Variants in ATAD2B observed in about 807,000 individuals in gnomAD.
ATAD2B encodes the protein ATPase family AAA domain containing 2B, also known as ATPase family AAA domain-containing protein 2B.
Under a neutral mutation model 167.6 loss-of-function variants are expected in ATAD2B, and 40 were observed. The ratio of observed to expected loss-of-function variants is 0.24; its 90% CI spans 0.19 to 0.31. The LOEUF (loss-of-function observed/expected upper bound fraction) is 0.31, where lower values mean the gene tolerates loss of function less well. ATAD2B is among the 10% of genes least tolerant of loss of function. The pLI is 1.00. For synonymous variants in ATAD2B, 579 were observed against 596.5 expected (o/e 0.97, Z 0.43); for missense variants, 1,242 against 1,757.2 (o/e 0.71, Z 5.24).
At chr2:23,902,676 C>A (rs1252834960) in intron 1 of ATAD2B, among the ~76,000 whole-genome samples, 2 of 152,114 alleles carry the variant, frequency 1.3e-5, no homozygotes, top group East Asian at 3.8e-4. Flanking sequence ...AGGAAAAGTA[C>A]CTCAGGCATA....
At chr2:23,884,669 A>AACT in intron 6 of ATAD2B, 96 bp downstream of exon 6, 1 of 600,676 alleles carries the variant, frequency 1.7e-6, no homozygotes, top group Non-Finnish European at 2.7e-6. Context: ...TCCAAAAACC[A>AACT]ACTACTCAGC....
chr2:23,785,803 G>T (rs1680726614), intron 21 of ATAD2B: 3 of 437,888 alleles, frequency 6.9e-6, no homozygotes, highest in East Asian at 7.2e-5. Flanking sequence ...GACCACAAAG[G>T]TTAATAATAA....
At chr2:23,809,772 T>A (rs1192218803) in intron 18 of ATAD2B, among the ~76,000 whole-genome samples, 1 of 152,178 alleles carries the variant, frequency 6.6e-6, no homozygotes, top group Non-Finnish European at 1.5e-5. Flanking sequence ...CATGGTTATA[T>A]ATAACAACCT....
At chr2:23,865,904 C>T in intron 10 of ATAD2B, 1 of 813,568 alleles carries the variant, frequency 1.2e-6, no homozygotes. Flanking sequence ...ACAAAAAATG[C>T]TTTAAGAAAA....
intron 18 of ATAD2B, among the ~76,000 whole-genome samples, chr2:23,801,248 A>T (rs1442481740): frequency 6.6e-6 from 1 of 152,152 alleles, no homozygotes; most frequent in Non-Finnish European, 1.5e-5. Context: ...AAAGTTTAAT[A>T]CTATTATGAT....
intron 24 of ATAD2B, 77 bp from the exon 25 acceptor site, chr2:23,758,178 A>T: frequency 8.2e-7 from 1 of 1,217,882 alleles, no homozygotes; most frequent in Non-Finnish European, 1.1e-6. Flanking sequence ...ATTAAACAGG[A>T]CCCAAAAGAA....
At chr2:23,734,850 C>G in the ATAD2B span, among the ~76,000 whole-genome samples, 1 of 152,162 alleles carries the variant, frequency 6.6e-6, no homozygotes, top group East Asian at 1.9e-4. Context: ...AAACCATTAT[C>G]ATTGTATTTA....
At chr2:23,901,350 T>C (rs2150412716) in intron 1 of ATAD2B, among the ~76,000 whole-genome samples, 1 of 150,150 alleles carries the variant, frequency 6.7e-6, no homozygotes, top group East Asian at 1.9e-4. Flanking sequence ...AAGACCTATC[T>C]CAGGACCCTT....
At chr2:23,805,521 T>G (rs1684226981) in intron 18 of ATAD2B, among the ~76,000 whole-genome samples, 1 of 152,234 alleles carries the variant, frequency 6.6e-6, no homozygotes, top group African/African-American at 2.4e-5. Context: ...TTATGTTTCG[T>G]GTGGCAATTA....
At chr2:23,826,604 G>A (rs758316928) in intron 15 of ATAD2B, among the ~76,000 whole-genome samples, 8 of 152,140 alleles carry the variant, frequency 5.3e-5, no homozygotes, top group Middle Eastern at 3.4e-3. Flanking sequence ...TACTAAAGAG[G>A]TTAGACTAGA....
Position 23,752,090 on chromosome 2 carries a change from A to G in ATAD2B, c.4336-3T>C, listed in dbSNP as rs1236668133. 1.4e-5 allele frequency: 22 copies of G among 1,550,326 alleles called. No homozygotes were observed. The highest frequency in any genetic ancestry group is 1.8e-5 in the Non-Finnish European group (21 of 1,141,874). On this transcript the variant is annotated splice_polypyrimidine_tract_variant and splice_region_variant and intron_variant, in intron 27 of 27. Coordinates refer to ENST00000238789, the MANE Select transcript of ATAD2B (RefSeq NM_017552.4). The stretch of plus-strand genomic sequence containing the variant: ...ATATGAACTGTTCTTTCCATCTCCT[A>G]TAAAAGGAAAAAAAATGCATGTTAT...
rs756811805 is a variant in ATAD2B at position 23,774,608 on chromosome 2, TA to T, written c.3133+8260del. 4.7e-4 allele frequency among the ~76,000 whole-genome samples: 72 copies of T among 152,244 alleles called. No homozygotes were observed. The Middle Eastern group carries it at 0.021, about 43-fold the overall frequency. ...ATCTGAGATTCCTTGAGTTAGTATC[TA>T]AAAATAGAGGCTAGGCACAGTGGCT... On this transcript the variant is annotated intron_variant, in intron 22 of 27. Coordinates refer to ENST00000238789, the MANE Select transcript of ATAD2B (RefSeq NM_017552.4).
At chr2:23,788,372 C>G (rs1681138280) in intron 20 of ATAD2B, 140 bp downstream of exon 20, 12 of 940,800 alleles carry the variant, frequency 1.3e-5, no homozygotes, top group Non-Finnish European at 1.9e-5. Flanking sequence ...ATGGACACTT[C>G]CACACGTCAT....
chr2:23,770,370 C>T (rs1042239297), intron 22 of ATAD2B, among the ~76,000 whole-genome samples: 1 of 151,932 alleles, frequency 6.6e-6, no homozygotes, highest in Non-Finnish European at 1.5e-5. Context: ...GGATGAGTAT[C>T]TTTTCATGTG....
intron 10 of ATAD2B, chr2:23,866,011 G>A: frequency 5.6e-6 from 4 of 709,756 alleles, no homozygotes; most frequent in Non-Finnish European, 6.9e-6. Context: ...TACTATGATA[G>A]AAAAAGTGAA....
rs1187064568 is a variant in ATAD2B at position 23,776,933 on chromosome 2, G to A, written c.3133+5936C>T. Among the ~76,000 whole-genome samples, 4 of 152,186 alleles carry A rather than the reference G, an allele frequency of 2.6e-5. No homozygotes were observed. The South Asian group carries it at 6.2e-4, about 24-fold the overall frequency. On this transcript the variant is annotated intron_variant, in intron 22 of 27. Transcript: ENST00000238789. Reference sequence around the variant, plus strand: ...ATGCATCTCCTCTAAATTTATATGTGGAAGGCTTAACTCCCAGTACCTTAA... The same window carrying A: ...ATGCATCTCCTCTAAATTTATATGTAGAAGGCTTAACTCCCAGTACCTTAA...
At position 23,750,859 on chromosome 2, in the gene ATAD2B, C is replaced by T. The variant is rs1338567102; in HGVS notation, c.*1187G>A. 6.6e-6 allele frequency: 1 copy of T among 152,014 alleles called. No homozygotes were observed. Among genetic ancestry groups the T allele is most frequent in the Non-Finnish European group, 1.5e-5 (1 of 67,982 alleles). The allele number at this position is 152,014 out of a possible 1,614,324, so 9.4% of individuals were successfully genotyped here. ...AACAAGATTCAAAATGGTTTCCAATCAAAAAGAAGAGTTGTGAAGGTAAGC... is the reference window on the plus strand; with the variant it reads ...AACAAGATTCAAAATGGTTTCCAATTAAAAAGAAGAGTTGTGAAGGTAAGC... On this transcript the variant is annotated 3_prime_UTR_variant, in exon 28 of 28. Transcript: ENST00000238789.
chr2:23,810,744 C>T lies in ATAD2B; in HGVS notation c.2268-242G>A, dbSNP rs150465320. On this transcript the variant is annotated intron_variant, in intron 17 of 27. Coordinates refer to ENST00000238789, the MANE Select transcript of ATAD2B (RefSeq NM_017552.4). ...CCACTTTAAGGGCCAGGCGCAGTGG[C>T]TCATGCCTGTAATCCTAGCACTTTG... Among the ~76,000 whole-genome samples the T allele has an allele frequency of 3.5e-3, 526 of 152,292 alleles. 5 individuals carry two copies. The highest frequency in any genetic ancestry group is 0.012 in the African/African-American group (511 of 41,562).
intron 18 of ATAD2B, among the ~76,000 whole-genome samples, chr2:23,800,815 TGATTAAAAAAAAAATTTATATTTGAA>T (rs1683372680): frequency 1.3e-5 from 2 of 151,452 alleles, no homozygotes; most frequent in Admixed American, 1.3e-4. Flanking sequence ...ATGTCCTTCT[TGATTAAAAAAAAAATTTATATTTGAA>T]AACCTATTGG....
Sources: gnomAD v4.1 joint callset for allele counts (sites outside exome capture counted in the v4.1 genomes callset) on GRCh38, gnomAD v4.1.1 for gene constraint, MANE v1.5 for transcripts, NCBI Gene and HGNC (gene_info 2026-07-23, HGNC 2026-07-21) for gene names.